Variants in NEGR1 observed in about 807,000 individuals in gnomAD.
NEGR1 encodes neuronal growth regulator 1, also known as IgLON family member 4.
NEGR1 carries 10 observed loss-of-function variants against 40.9 expected under a neutral mutation model. The observed-to-expected ratio is 0.24, with a 90% CI of 0.15 to 0.42. The LOEUF (loss-of-function observed/expected upper bound fraction) is 0.42. NEGR1 is among the 10% of genes least tolerant of loss of function. NEGR1 has a pLI of 1.00. For synonymous variants in NEGR1, 185 were observed against 166.8 expected (o/e 1.11, Z -0.84); for missense variants, 352 against 438.9 (o/e 0.80, Z 1.77).
chr1:71,448,498 C>T (rs1646599474), intron 6 of NEGR1, among the ~76,000 whole-genome samples: 1 of 152,134 alleles, frequency 6.6e-6, no homozygotes. Flanking sequence ...ACTCAGGAGG[C>T]TGCGGCAGGA....
At chr1:71,798,282 A>G (rs1456577383) in intron 2 of NEGR1, 1 of 152,206 alleles carries the variant, frequency 6.6e-6, no homozygotes, top group Non-Finnish European at 1.5e-5. Flanking sequence ...TGAAAAAAAT[A>G]CAGAAAAAGT....
At chr1:72,161,626 T>C (rs903836761) in intron 1 of NEGR1, among the ~76,000 whole-genome samples, 1 of 151,664 alleles carries the variant, frequency 6.6e-6, no homozygotes, top group African/African-American at 2.4e-5. Context: ...CTGTGTTTTG[T>C]GAGTTTTTCT....
At chr1:71,814,262 G>A (rs796785422) in intron 2 of NEGR1, among the ~76,000 whole-genome samples, 3 of 151,964 alleles carry the variant, frequency 2.0e-5, no homozygotes, top group South Asian at 2.1e-4. Context: ...GGATGAAGCC[G>A]ACTTTATCAC....
chr1:71,613,507 C>G (rs958709608), intron 4 of NEGR1, among the ~76,000 whole-genome samples: 3 of 151,876 alleles, frequency 2.0e-5, no homozygotes, highest in African/African-American at 7.3e-5. Context: ...ATTAGCCAGG[C>G]ATAGTGGTGG....
intron 3 of NEGR1, among the ~76,000 whole-genome samples, chr1:71,711,211 G>A (rs1050663083): frequency 6.6e-6 from 1 of 150,952 alleles, no homozygotes; most frequent in African/African-American, 2.4e-5. Flanking sequence ...CAGGTGCGGT[G>A]CCAGGCGCCT....
At chr1:71,439,228 C>G (rs945197841) in intron 6 of NEGR1, among the ~76,000 whole-genome samples, 9 of 152,092 alleles carry the variant, frequency 5.9e-5, no homozygotes, top group African/African-American at 2.2e-4. Context: ...TATTAAAGAT[C>G]AACTCATTTA....
intron 3 of NEGR1, among the ~76,000 whole-genome samples, chr1:71,724,475 C>G (rs1289522226): frequency 6.6e-6 from 1 of 152,076 alleles, no homozygotes; most frequent in African/African-American, 2.4e-5. Context: ...TTTATTTCCT[C>G]TTTTTGCATC....
intron 1 of NEGR1, among the ~76,000 whole-genome samples, chr1:72,158,015 T>C (rs994274370): frequency 2.0e-5 from 3 of 152,140 alleles, no homozygotes; most frequent in Non-Finnish European, 4.4e-5. Flanking sequence ...TACTGGAAGA[T>C]AGAGCCAGGG....
At chr1:71,433,520 A>G (rs1646483232) in intron 6 of NEGR1, among the ~76,000 whole-genome samples, 1 of 152,198 alleles carries the variant, frequency 6.6e-6, no homozygotes, top group African/African-American at 2.4e-5. Flanking sequence ...TTGGACTTAC[A>G]GTTCCATGTG....
At chr1:72,093,443 T>C (rs151075895) in intron 1 of NEGR1, among the ~76,000 whole-genome samples, 8 of 152,322 alleles carry the variant, frequency 5.3e-5, no homozygotes, top group African/African-American at 1.9e-4. Context: ...AATTGGCTTC[T>C]GAGTTCTCAT....
intron 1 of NEGR1, among the ~76,000 whole-genome samples, chr1:72,149,694 C>T (rs1349227431): frequency 6.6e-6 from 1 of 151,588 alleles, no homozygotes; most frequent in African/African-American, 2.4e-5. Flanking sequence ...ACCAGACTGA[C>T]CAACGTGGAG....
chr1:71,632,777 T>C (rs1282008831), intron 4 of NEGR1, among the ~76,000 whole-genome samples: 1 of 151,972 alleles, frequency 6.6e-6, no homozygotes, highest in East Asian at 1.9e-4. Flanking sequence ...TTGAATATAA[T>C]AAATATTTGT....
At chr1:72,064,381 T>C (rs1454606229) in intron 1 of NEGR1, among the ~76,000 whole-genome samples, 5 of 152,072 alleles carry the variant, frequency 3.3e-5, no homozygotes, top group Non-Finnish European at 5.9e-5. Flanking sequence ...GAGGATCCTT[T>C]ACCTCTGCAG....
chr1:71,724,161 T>TA (rs1319117081), intron 3 of NEGR1, among the ~76,000 whole-genome samples: 1 of 152,164 alleles, frequency 6.6e-6, no homozygotes, highest in East Asian at 1.9e-4. Flanking sequence ...ATTCATTTTT[T>TA]AAAATTCTCT....
At chr1:71,580,392 G>A (rs1374742994) in intron 6 of NEGR1, among the ~76,000 whole-genome samples, 4 of 151,098 alleles carry the variant, frequency 2.6e-5, no homozygotes, top group East Asian at 1.9e-4. Flanking sequence ...CACCAGCATG[G>A]CACATGTATA....
At chr1:71,605,990 G>T (rs1461591179) in intron 5 of NEGR1, among the ~76,000 whole-genome samples, 3 of 152,144 alleles carry the variant, frequency 2.0e-5, no homozygotes, top group African/African-American at 7.2e-5. Flanking sequence ...TTTGAAGATG[G>T]CATCAGATGA....
At chr1:72,129,789 C>A (rs912934345) in intron 1 of NEGR1, among the ~76,000 whole-genome samples, 1 of 152,094 alleles carries the variant, frequency 6.6e-6, no homozygotes, top group Non-Finnish European at 1.5e-5. Flanking sequence ...TTTGGGTCAT[C>A]CCTCACTGCT....
intron 4 of NEGR1, among the ~76,000 whole-genome samples, chr1:71,624,651 C>T (rs981272612): frequency 6.6e-6 from 1 of 151,906 alleles, no homozygotes; most frequent in Admixed American, 6.6e-5. Context: ...AGTCTTTTTA[C>T]TTGATACTTC....
intron 1 of NEGR1, among the ~76,000 whole-genome samples, chr1:72,262,343 A>G (rs1655485900): frequency 1.3e-5 from 2 of 152,064 alleles, no homozygotes; most frequent in Admixed American, 6.6e-5. Flanking sequence ...TGAAAGCTCA[A>G]ATAGCACTGG....
Sources: gnomAD v4.1 joint callset for allele counts (sites outside exome capture counted in the v4.1 genomes callset) on GRCh38, gnomAD v4.1.1 for gene constraint, MANE v1.5 for transcripts, NCBI Gene and HGNC (gene_info 2026-07-23, HGNC 2026-07-21) for gene names.